The following TBC1D22A variants were observed in gnomAD, a reference collection of about 807,000 sequenced individuals.
TBC1D22A encodes putative GTPase activator.
Under a neutral mutation model 60.2 loss-of-function variants are expected in TBC1D22A, and 38 were observed. The observed-to-expected ratio is 0.63, with a 90% CI of 0.49 to 0.83. TBC1D22A has a LOEUF of 0.83. Among genes scored for constraint, TBC1D22A ranks in the 40% least tolerant of loss-of-function variants. The probability of loss-of-function intolerance (pLI) is 0.00; values close to 1 mark genes in which losing one functional copy is unlikely to be tolerated. For missense variants in TBC1D22A, 628 were observed against 701.0 expected, an observed-to-expected ratio of 0.90 and a Z score of 1.18; for synonymous variants, 302 against 281.7, an observed-to-expected ratio of 1.07 and a Z score of -0.72.
At chr22:46,937,047 G>C (rs536132481) in intron 8 of TBC1D22A, among the ~76,000 whole-genome samples, 24 of 152,254 alleles carry the variant, frequency 1.6e-4, no homozygotes, top group African/African-American at 5.8e-4. Context: ...GAGGAGGGCC[G>C]CAGGGATTTG....
chr22:47,164,829 CG>C (rs1201244754), intron 12 of TBC1D22A, among the ~76,000 whole-genome samples: 1 of 152,174 alleles, frequency 6.6e-6, no homozygotes, highest in African/African-American at 2.4e-5. Context: ...GTCACGGAAG[CG>C]GATACTTCAT....
intron 4 of TBC1D22A, among the ~76,000 whole-genome samples, chr22:46,815,417 G>A (rs2085554030): frequency 6.6e-6 from 1 of 152,230 alleles, no homozygotes; most frequent in African/African-American, 2.4e-5. Flanking sequence ...TGGGCACAGA[G>A]TCCTTTATTT....
chr22:47,165,639 C>A (rs2068176745), intron 12 of TBC1D22A, among the ~76,000 whole-genome samples: 3 of 152,144 alleles, frequency 2.0e-5, no homozygotes, highest in Admixed American at 2.0e-4. Context: ...GGGCTTGCTG[C>A]ATGCCTCCTG....
At chr22:46,902,697 C>T (rs2069087432) in intron 7 of TBC1D22A, among the ~76,000 whole-genome samples, 1 of 152,254 alleles carries the variant, frequency 6.6e-6, no homozygotes, top group Non-Finnish European at 1.5e-5. Flanking sequence ...ACGTTGTTTT[C>T]ACCTTTCCTG....
intron 11 of TBC1D22A, among the ~76,000 whole-genome samples, chr22:47,051,777 G>T (rs576451203): frequency 3.9e-5 from 6 of 152,148 alleles, no homozygotes; most frequent in African/African-American, 1.4e-4. Flanking sequence ...TTCCTCTCGC[G>T]CTCCTCTGCT....
At chr22:47,136,163 C>T (rs1158264445) in intron 12 of TBC1D22A, among the ~76,000 whole-genome samples, 4 of 152,240 alleles carry the variant, frequency 2.6e-5, no homozygotes, top group Admixed American at 6.5e-5. Context: ...CCCTCCACCA[C>T]GTCCCCTGAG....
intron 12 of TBC1D22A, among the ~76,000 whole-genome samples, chr22:47,153,113 G>C (rs774306352): frequency 5.9e-5 from 9 of 152,232 alleles, no homozygotes; most frequent in Middle Eastern, 3.4e-3. Context: ...GAGGCACCTC[G>C]TGGCCTGAGA....
intron 12 of TBC1D22A, among the ~76,000 whole-genome samples, chr22:47,114,600 G>A (rs937143779): frequency 1.3e-5 from 2 of 152,078 alleles, no homozygotes; most frequent in African/African-American, 4.8e-5. Context: ...TTAGGAAGAC[G>A]CTTCCGCATC....
rs554816359 is a variant in TBC1D22A at position 46,899,230 on chromosome 22, T to C, written c.900+4384T>C. Among the ~76,000 whole-genome samples, 6 of 152,212 alleles carry C rather than the reference T, an allele frequency of 3.9e-5. No homozygotes were observed. The East Asian group carries it at 1.2e-3, about 29-fold the overall frequency. The stretch of plus-strand genomic sequence containing the variant: ...AGGAGGCCAAAGCAAGCAGATCAGC[T>C]GAGGTCAGGAGTTCAAGACCAGCCT... On this transcript the variant is annotated intron_variant, in intron 7 of 12. Transcript: ENST00000337137.
intron 10 of TBC1D22A, among the ~76,000 whole-genome samples, chr22:47,000,195 G>T (rs1316295210): frequency 6.6e-6 from 1 of 152,126 alleles, no homozygotes; most frequent in Non-Finnish European, 1.5e-5. Context: ...GAAAAGAGCC[G>T]AATTGCTCTG....
chr22:46,987,916 C>T (rs916052868), intron 9 of TBC1D22A, among the ~76,000 whole-genome samples: 3 of 152,170 alleles, frequency 2.0e-5, no homozygotes, highest in East Asian at 1.9e-4. Context: ...TTCAAAACCC[C>T]GGTCAGTTCT....
chr22:47,142,617 ACATCCATCCATTCACCTGCCCACCATC>A (rs2067145326), intron 12 of TBC1D22A, among the ~76,000 whole-genome samples: 1 of 111,950 alleles, frequency 8.9e-6, no homozygotes, highest in African/African-American at 3.7e-5. Context: ...ATCCATCTGC[ACATCCATCCATTCACCTGCCCACCATC>A]CATCCATCCA....
intron 11 of TBC1D22A, among the ~76,000 whole-genome samples, chr22:47,083,546 G>A (rs1725787253): frequency 6.6e-6 from 1 of 152,180 alleles, no homozygotes; most frequent in African/African-American, 2.4e-5. Flanking sequence ...TCTAAATAAA[G>A]CCGTCAGCTC....
At chr22:47,097,397 C>CCT (rs537133729) in intron 11 of TBC1D22A, among the ~76,000 whole-genome samples, 228 of 152,190 alleles carry the variant, frequency 1.5e-3, no homozygotes, top group Admixed American at 3.2e-3. Flanking sequence ...AGGTGGATCA[C>CCT]GAGGTCAGGA....
intron 12 of TBC1D22A, among the ~76,000 whole-genome samples, chr22:47,147,676 G>A (rs1376391525): frequency 6.6e-6 from 1 of 152,252 alleles, no homozygotes; most frequent in Admixed American, 6.5e-5. Context: ...CTGATGTGGT[G>A]GGACAGGGCC....
At chr22:47,119,950 T>C (rs1233652535) in intron 12 of TBC1D22A, among the ~76,000 whole-genome samples, 1 of 152,108 alleles carries the variant, frequency 6.6e-6, no homozygotes, top group Admixed American at 6.6e-5. Context: ...GGCTGGGCGC[T>C]CCCATCAGCC....
intron 4 of TBC1D22A, among the ~76,000 whole-genome samples, chr22:46,853,378 C>T (rs2087390052): frequency 6.6e-6 from 1 of 152,174 alleles, no homozygotes; most frequent in African/African-American, 2.4e-5. Context: ...CTCAACCGTA[C>T]CGTGGAAGGA....
At chr22:46,768,804 A>G (rs901052393) in intron 1 of TBC1D22A, among the ~76,000 whole-genome samples, 8 of 151,970 alleles carry the variant, frequency 5.3e-5, no homozygotes, top group Non-Finnish European at 1.5e-5. Context: ...TGAAAGTGGC[A>G]TGGTGGTGGC....
At position 47,175,615 on chromosome 22, in the gene TBC1D22A, A is replaced by T. The variant is rs541145596; in HGVS notation, c.*1989A>T. The T allele has an allele frequency of 1.3e-5, 2 of 152,358 alleles. No individual in the cohort carries two copies. Among genetic ancestry groups the T allele is most frequent in the African/African-American group, 4.8e-5 (2 of 41,498 alleles). 9.4% of individuals were successfully genotyped at this position (152,358 alleles called of 1,614,324 possible). A position where few individuals can be genotyped will look rare whatever the true frequency, so the allele number is the denominator to read the frequency against. ...GTGTTGGCCGCGGGCCTTAAGTCTG[A>T]GCAGATCCATCTGGAATGTTCGGGG... On this transcript the variant is annotated 3_prime_UTR_variant, in exon 13 of 13. Transcript: ENST00000337137.
Sources: gnomAD v4.1 joint callset for allele counts (sites outside exome capture counted in the v4.1 genomes callset) on GRCh38, gnomAD v4.1.1 for gene constraint, MANE v1.5 for transcripts, NCBI Gene and HGNC (gene_info 2026-07-23, HGNC 2026-07-21) for gene names.